KANK3: variants seen among roughly 807,000 people sequenced by gnomAD.
KANK3 encodes KN motif and ankyrin repeat domain-containing protein 3.
A neutral mutation model predicts 65.4 loss-of-function variants in KANK3; 61 were observed. The observed-to-expected ratio is 0.93, with a 90% CI of 0.76 to 1.15. The LOEUF (loss-of-function observed/expected upper bound fraction) is 1.15. Ranked by LOEUF, KANK3 falls within the 50% of genes most tolerant of loss-of-function variation. KANK3 has a pLI of 0.00. For synonymous variants in KANK3, 586 were observed against 543.3 expected, an observed-to-expected ratio of 1.08 and a Z score of -1.09; for missense variants, 1,187 against 1,178.8, an observed-to-expected ratio of 1.01 and a Z score of -0.10.
In KANK3 at chr19:8,335,186, A is replaced by T; in HGVS notation, c.641T>A (p.Val214Glu). 1 of 1,216,144 alleles carries T rather than the reference A, an allele frequency of 8.2e-7. No homozygotes were observed. Among genetic ancestry groups the T allele is most frequent in the Non-Finnish European group, 1.0e-6 (1 of 978,702 alleles). The allele number at this position is 1,216,144 out of a possible 1,614,324, so 75.3% of individuals were successfully genotyped here. ...CGCCTTCTCGGCGCGCAGCGCGCGC[A>T]CCTGCTCCTGCAGCTCGGGCAGCGT... ...ARTLPELQEQ[V>E]RALRAEKARL... is the part of the protein sequence containing the mutation. Residue 214 changes from valine to glutamate, a missense_variant, in exon 3 of 11, where the codon GTG becomes GAG. Transcript: ENST00000330915.
In KANK3 at chr19:8,334,420, C is replaced by T; in HGVS notation, c.1328-1G>A. The T allele has an allele frequency of 6.2e-7, 1 of 1,613,812 alleles. No homozygotes were observed. Among genetic ancestry groups the T allele is most frequent in the Non-Finnish European group, 8.5e-7 (1 of 1,180,014 alleles). On this transcript the variant is annotated splice_acceptor_variant, in intron 3 of 10. Transcript: ENST00000330915. LOFTEE classifies it high-confidence loss of function. ...TTCTTCATGATGGATTTGAGGATGC[C>T]TGGCGGGGATGAGATGAGGGCACTG...
chr19:8,332,989 CCA>C (rs1970554261), intron 7 of KANK3, 23 bp downstream of exon 7: 2 of 389,628 alleles, frequency 5.1e-6, no homozygotes, highest in Non-Finnish European at 1.0e-5. Context: ...TCCTGGTGTC[CCA>C]CCCACCCTCC....
At chr19:8,326,015 C>T (rs181726938) in intron 7 of KANK3, among the ~76,000 whole-genome samples, 61 of 152,042 alleles carry the variant, frequency 4.0e-4, no homozygotes, top group African/African-American at 1.4e-3. Context: ...TTAGTAGAGA[C>T]GGTTTCACCA....
At position 8,324,500 on chromosome 19, in the gene KANK3, C is replaced by T. The variant is rs944156519; in HGVS notation, c.2331G>A (p.Glu777=). 2.5e-6 allele frequency: 4 copies of T among 1,613,074 alleles called. No homozygotes were observed. The highest frequency in any genetic ancestry group is 2.7e-5 in the African/African-American group (2 of 74,910). The change falls in exon 10 of 11, where the codon GAG becomes GAA. Residue 777 remains glutamate, a synonymous_variant. Transcript: ENST00000330915. ...LAIALEAEQD[E]VAALLHAHLS... ...GGTGGGCATGTAGCAGAGCGGCCAC[C>T]TCATCCTGCTCAGCCTCCAGGGCGA...
At chr19:8,337,983 G>T in intron 1 of KANK3, 127 bp from the exon 2 acceptor site, 1 of 1,442,494 alleles carries the variant, frequency 6.9e-7, no homozygotes, top group Non-Finnish European at 9.1e-7. Flanking sequence ...TCCACACATG[G>T]CCTCTCCTTC....
chr19:8,341,485 A>C (rs948920044), intron 1 of KANK3, among the ~76,000 whole-genome samples: 5 of 152,012 alleles, frequency 3.3e-5, no homozygotes, highest in Non-Finnish European at 7.4e-5. Context: ...ATCTCAGCTC[A>C]CTGCAATCTC....
At chr19:8,332,753 G>T (rs908007513) in intron 7 of KANK3, 16 of 176,076 alleles carry the variant, frequency 9.1e-5, no homozygotes, top group African/African-American at 3.3e-4. Flanking sequence ...GGAGGCGGAG[G>T]TTGCAGTGAG....
chr19:8,335,811 C>A lies in KANK3; in HGVS notation c.35-19G>T. 2 of 1,227,768 alleles carry A rather than the reference C, an allele frequency of 1.6e-6. No homozygotes were observed. The highest frequency in any genetic ancestry group is 1.6e-5 in the African/African-American group (1 of 64,382). 76.1% of individuals were successfully genotyped at this position (1,227,768 alleles called of 1,614,324 possible). A position where few individuals can be genotyped will look rare whatever the true frequency, so the allele number is the denominator to read the frequency against. On this transcript the variant is annotated intron_variant, in intron 2 of 10. Transcript: ENST00000330915. ...CCCAGGTCTGGAGGCACGACGGGGG[C>A]ACGGGGAGGGCGCATCAGAACGGGG...
intron 2 of KANK3, among the ~76,000 whole-genome samples, chr19:8,336,137 C>A (rs1467941275): frequency 1.3e-5 from 2 of 152,156 alleles, no homozygotes; most frequent in African/African-American, 4.8e-5. Flanking sequence ...AGGGGACTTT[C>A]CTGTGGAGTG....
intron 7 of KANK3, among the ~76,000 whole-genome samples, chr19:8,326,049 T>C (rs1970421934): frequency 6.6e-6 from 1 of 152,018 alleles, no homozygotes; most frequent in Non-Finnish European, 1.5e-5. Context: ...GGTCTCGAAC[T>C]CCGACCTCAT....
Position 8,333,743 on chromosome 19 carries a change from C to T in KANK3, c.1700G>A (p.Arg567His). ...ACTCACGCCGTCGCTGGCTACTCCG[C>T]GGGGCCGGCTCAGCTGCCGCTGCAG... ...VALQRQLSRP[R>H]GVASDGGAVR... The change falls in exon 6 of 11, where the codon CGC becomes CAC. Residue 567 changes from arginine (R) to histidine (H), a missense_variant. Physicochemically the swap from Arg to His is conservative, Grantham distance 29 (BLOSUM62 0). Transcript: ENST00000330915. The surrounding 1 kb of genome is among the most constrained non-coding windows in gnomAD (Gnocchi z 5.0). 1.4e-6 allele frequency: 2 copies of T among 1,472,074 alleles called. No homozygotes were observed. The highest frequency in any genetic ancestry group is 1.3e-5 in the South Asian group (1 of 74,522). 91.2% of individuals were successfully genotyped at this position (1,472,074 alleles called of 1,614,324 possible).
Position 8,324,765 on chromosome 19 carries a change from C to T in KANK3, c.2148G>A (p.Leu716=), listed in dbSNP as rs772364975. The change falls in exon 9 of 11, where the codon CTG becomes CTA. Residue 716 remains leucine (L), a synonymous_variant. Transcript: ENST00000330915. ...GCGCATTCACATCAGCCCCACACGCCAGTAGGGTTGCCACCATGTCCTGTC... is the reference window on the plus strand; with the variant it reads ...GCGCATTCACATCAGCCCCACACGCTAGTAGGGTTGCCACCATGTCCTGTC... ...HGRQDMVATL[L]ACGADVNAQD... 1 of 1,614,096 alleles carries T rather than the reference C, an allele frequency of 6.2e-7. No individual in the cohort carries two copies. Among genetic ancestry groups the T allele is most frequent in the Non-Finnish European group, 8.5e-7 (1 of 1,180,038 alleles).
Position 8,322,821 on chromosome 19 carries a change from T to C in KANK3, c.*18A>G. 1 of 1,590,460 alleles carries C rather than the reference T, an allele frequency of 6.3e-7. No homozygotes were observed. Among genetic ancestry groups the C allele is most frequent in the African/African-American group, 1.3e-5 (1 of 74,376 alleles). Reference sequence around the variant, plus strand: ...GAGATCTCCCCACAGCTAGGTGTAGTGAGCCAGACGAGGCAGCTTACTGAA... The same window carrying C: ...GAGATCTCCCCACAGCTAGGTGTAGCGAGCCAGACGAGGCAGCTTACTGAA... On this transcript the variant is annotated 3_prime_UTR_variant, in exon 11 of 11. Transcript: ENST00000330915.
At chr19:8,332,148 C>T (rs1300525940) in intron 7 of KANK3, among the ~76,000 whole-genome samples, 2 of 151,770 alleles carry the variant, frequency 1.3e-5, no homozygotes, top group Non-Finnish European at 2.9e-5. Context: ...TTCCCACCAC[C>T]ACGCCCAGCT....
Position 8,335,207 on chromosome 19 carries a change from A to G in KANK3, c.620T>C (p.Leu207Pro), listed in dbSNP as rs1247973207. ...LRELEDQART[L>P]PELQEQVRAL... ...GCGCACCTGCTCCTGCAGCTCGGGC[A>G]GCGTTCGCGCCTGGTCCTCGAGCTC... The change falls in exon 3 of 11, where the codon CTG becomes CCG. Residue 207 changes from leucine (L) to proline (P), a missense_variant. By Grantham distance (98) the Leu-to-Pro change is moderately conservative (BLOSUM62 -3). This residue lies in a region of KANK3 where 1,078 missense variants were observed against 1,038.2 expected (regional missense o/e 1.04). Transcript: ENST00000330915. 5.7e-6 allele frequency: 7 copies of G among 1,219,460 alleles called. No homozygotes were observed. Among genetic ancestry groups the G allele is most frequent in the Middle Eastern group, 3.3e-4 (1 of 3,060 alleles). 75.5% of individuals were successfully genotyped at this position (1,219,460 alleles called of 1,614,324 possible). A position where few individuals can be genotyped will look rare whatever the true frequency, so the allele number is the denominator to read the frequency against.
Position 8,324,692 on chromosome 19 carries a change from G to A in KANK3, c.2221C>T (p.Arg741Cys), listed in dbSNP as rs745651938. 32 of 1,613,902 alleles carry A rather than the reference G, an allele frequency of 2.0e-5. No homozygotes were observed. Among genetic ancestry groups the A allele is most frequent in the South Asian group, 1.1e-4 (10 of 91,092 alleles). ...AGCAGCAGCCGCACGGTGTCCAGGC[G>A]CCCATACTCACTGGCACACATCAGC... ...TALMCASEYG[R>C]LDTVRLLLTQ... The change falls in exon 9 of 11, where the codon CGC (arginine) becomes TGC (cysteine). Residue 741 changes from arginine (R) to cysteine (C), a missense_variant. By Grantham distance (180) the Arg-to-Cys change is radical. Around this residue, in one of 3 missense-constraint regions of KANK3, gnomAD observed 1,078 missense variants for 1,038.2 expected, o/e 1.04. Coordinates refer to ENST00000330915, the MANE Select transcript of KANK3 (RefSeq NM_198471.3).
At chr19:8,338,767 C>G (rs919559053) in intron 1 of KANK3, among the ~76,000 whole-genome samples, 1 of 147,384 alleles carries the variant, frequency 6.8e-6, no homozygotes, top group Non-Finnish European at 1.5e-5. Flanking sequence ...CCCAGCTACT[C>G]GGGAGGCTGA....
chr19:8,334,231 AC>A, intron 4 of KANK3, 88 bp downstream of exon 4: 1 of 1,562,966 alleles, frequency 6.4e-7, no homozygotes, highest in Non-Finnish European at 8.7e-7. Context: ...GATTGCCCAG[AC>A]CACGCTGCCA....
At chr19:8,331,472 A>G (rs1213745176) in intron 7 of KANK3, among the ~76,000 whole-genome samples, 6 of 152,122 alleles carry the variant, frequency 3.9e-5, no homozygotes, top group Non-Finnish European at 8.8e-5. Context: ...GGTTGGGGGC[A>G]GGCAGTGGGA....
Sources: gnomAD v4.1 joint callset for allele counts (sites outside exome capture counted in the v4.1 genomes callset) on GRCh38, gnomAD v4.1.1 for gene constraint, gnomAD v4.1.1 regional missense constraint, Gnocchi (gnomAD v3.1) non-coding constraint, MANE v1.5 for transcripts, NCBI Gene and HGNC (gene_info 2026-07-23, HGNC 2026-07-21) for gene names.